Variants in TBCK observed in about 807,000 individuals in gnomAD.
TBCK encodes TBC domain-containing protein kinase-like protein.
A neutral mutation model predicts 113.4 loss-of-function variants in TBCK; 99 were observed. The observed-to-expected ratio is 0.87, with a 90% CI of 0.74 to 1.03. The LOEUF is 1.03. TBCK is among the 50% of genes least tolerant of loss of function. TBCK has a pLI of 0.00. For missense variants in TBCK, 1,045 were observed against 1,061.3 expected, an observed-to-expected ratio of 0.98 and a Z score of 0.21; for synonymous variants, 369 against 370.8, an observed-to-expected ratio of 1.00 and a Z score of 0.05.
rs1400914707 is a variant in TBCK, at chr4:106,044,478, AGT to A, written c.*2090_*2091del. 6.6e-6 allele frequency: 1 copy of A among 152,256 alleles called. No homozygotes were observed. The highest frequency in any genetic ancestry group is 2.4e-5 in the African/African-American group (1 of 41,464). 9.4% of individuals were successfully genotyped at this position (152,256 alleles called of 1,614,324 possible). A position where few individuals can be genotyped will look rare whatever the true frequency, so the allele number is the denominator to read the frequency against. ...AAATGATATAACTATGGATTATATT[AGT>A]GTCTTAGAAATACATAGTAGGTATT... On this transcript the variant is annotated 3_prime_UTR_variant, in exon 26 of 26. Coordinates refer to ENST00000394708, the MANE Select transcript of TBCK (RefSeq NM_001163435.3).
At chr4:106,298,351 C>T (rs1488035834) in intron 2 of TBCK, among the ~76,000 whole-genome samples, 7 of 151,976 alleles carry the variant, frequency 4.6e-5, no homozygotes, top group South Asian at 4.1e-4. Flanking sequence ...CGGTAGCTCA[C>T]GCCTGTAATC....
At chr4:106,170,844 T>C (rs1750903722) in intron 23 of TBCK, among the ~76,000 whole-genome samples, 2 of 152,062 alleles carry the variant, frequency 1.3e-5, no homozygotes, top group Admixed American at 1.3e-4. Flanking sequence ...TATAAACAGA[T>C]ACTACAAATG....
intron 24 of TBCK, among the ~76,000 whole-genome samples, chr4:106,108,493 A>G (rs1406809711): frequency 8.5e-5 from 13 of 152,268 alleles, no homozygotes; most frequent in African/African-American, 2.4e-4. Flanking sequence ...CATAAGCAGA[A>G]CTAAAGACAG....
chr4:106,235,554 C>A (rs992646254), intron 14 of TBCK, among the ~76,000 whole-genome samples, 187 bp from the exon 15 acceptor site: 3 of 151,964 alleles, frequency 2.0e-5, no homozygotes, highest in Non-Finnish European at 4.4e-5. Flanking sequence ...ATCCCTAACA[C>A]CTTGAAAAAC....
At chr4:106,285,155 T>A (rs1048957306) in intron 3 of TBCK, among the ~76,000 whole-genome samples, 3 of 152,176 alleles carry the variant, frequency 2.0e-5, no homozygotes, top group Admixed American at 2.0e-4. Flanking sequence ...TTCCTTATAT[T>A]AAAGCCTGAA....
intron 23 of TBCK, among the ~76,000 whole-genome samples, chr4:106,127,218 A>T: frequency 6.6e-6 from 1 of 151,344 alleles, no homozygotes; most frequent in East Asian, 1.9e-4. Context: ...AAAAAAAAAA[A>T]AAAAAAAAAA....
intron 25 of TBCK, among the ~76,000 whole-genome samples, chr4:106,063,673 T>C (rs1736308626): frequency 6.6e-6 from 1 of 151,830 alleles, no homozygotes; most frequent in African/African-American, 2.4e-5. Flanking sequence ...GTTAAAATCT[T>C]AACCCCAAGG....
intron 19 of TBCK, chr4:106,213,624 T>A (rs1020539780): frequency 6.5e-6 from 1 of 153,800 alleles, no homozygotes; most frequent in Admixed American, 6.5e-5. Context: ...ACCTGGACAA[T>A]CGGGTCACTC....
At position 106,096,013 on chromosome 4, in the gene TBCK, C is replaced by CT. The variant is rs1169884397; in HGVS notation, c.2412-373dup. On this transcript the variant is annotated intron_variant, in intron 24 of 25. Coordinates refer to ENST00000394708, the MANE Select transcript of TBCK (RefSeq NM_001163435.3). Reference sequence around the variant, plus strand: ...ATTTTCTAGTCAGCTGCTGCTTCATCTTTTTTTTTAAAGAAAAGGGTATGA... The same window carrying CT: ...ATTTTCTAGTCAGCTGCTGCTTCATCTTTTTTTTTTAAAGAAAAGGGTATGA... Among the ~76,000 whole-genome samples, 168 of 150,906 alleles carry CT rather than the reference C, an allele frequency of 1.1e-3. 1 individual carries two copies. The highest frequency in any genetic ancestry group is 3.2e-3 in the African/African-American group (130 of 41,232).
chr4:106,124,365 G>A (rs1744873793), intron 23 of TBCK, among the ~76,000 whole-genome samples: 1 of 152,206 alleles, frequency 6.6e-6, no homozygotes, highest in Non-Finnish European at 1.5e-5. Flanking sequence ...GTGCTGGAGA[G>A]GATGTGGAGA....
intron 22 of TBCK, among the ~76,000 whole-genome samples, chr4:106,171,899 C>G (rs111300945): frequency 4.6e-5 from 7 of 151,958 alleles, no homozygotes; most frequent in Non-Finnish European, 1.5e-5. Flanking sequence ...GGTGCAATCA[C>G]GGCTCACTGC....
chr4:106,120,097 A>C (rs990170760), intron 23 of TBCK, among the ~76,000 whole-genome samples: 9 of 152,278 alleles, frequency 5.9e-5, no homozygotes, highest in Non-Finnish European at 1.2e-4. Context: ...GGGCGCAGGT[A>C]AATGGGTGCG....
rs1441723105 is a variant in TBCK at position 106,236,428 on chromosome 4, G to T, written c.1312C>A (p.Gln438Lys). The part of the protein sequence containing the change: ...LIIREKDTEY[Q>K]LNRIILFDRL... ...TCGAAGAGAATAATTCTATTTAGTT[G>T]GTACTCTGTATCCTTCTCTCTGATG... is the stretch of plus-strand genomic sequence containing the variant. The change falls in exon 14 of 26, where the codon CAA (glutamine) becomes AAA (lysine). Residue 438 changes from glutamine (Q) to lysine (K), a missense_variant. Gln to Lys is a moderately conservative substitution (Grantham distance 53). Coordinates refer to ENST00000394708, the MANE Select transcript of TBCK (RefSeq NM_001163435.3). The T allele has an allele frequency of 6.4e-7, 1 of 1,556,900 alleles. No homozygotes were observed.
intron 22 of TBCK, among the ~76,000 whole-genome samples, chr4:106,179,109 A>C (rs112760003): frequency 6.6e-6 from 1 of 152,028 alleles, no homozygotes; most frequent in African/African-American, 2.4e-5. Context: ...CTCAGTTTAC[A>C]TAAGATTTTA....
intron 3 of TBCK, among the ~76,000 whole-genome samples, chr4:106,267,497 A>C (rs1763097726): frequency 6.6e-6 from 1 of 152,008 alleles, no homozygotes; most frequent in Non-Finnish European, 1.5e-5. Flanking sequence ...GCAATTAACT[A>C]AGCAGATAAG....
chr4:106,212,980 TTTAA>T, intron 19 of TBCK, 145 bp from the exon 20 acceptor site: 1 of 587,984 alleles, frequency 1.7e-6, no homozygotes. Context: ...TTGTTACTAT[TTTAA>T]TTACTTACTG....
intron 24 of TBCK, among the ~76,000 whole-genome samples, chr4:106,113,396 A>G (rs2149561255): frequency 6.6e-6 from 1 of 152,352 alleles, no homozygotes; most frequent in East Asian, 1.9e-4. Context: ...TAGATGATAA[A>G]TTTCAATTAG....
At chr4:106,251,789 T>C (rs1307744710) in intron 6 of TBCK, 77 bp downstream of exon 6, 3 of 1,273,648 alleles carry the variant, frequency 2.4e-6, no homozygotes, top group Non-Finnish European at 3.1e-6. Context: ...CATACTATTA[T>C]TAACTTTCCT....
intron 3 of TBCK, among the ~76,000 whole-genome samples, chr4:106,274,411 A>C (rs984871405): frequency 7.2e-5 from 11 of 152,340 alleles, no homozygotes; most frequent in Admixed American, 6.5e-4. Context: ...TAACAGCCAA[A>C]AGGTAGAAAC....
Sources: allele counts gnomAD v4.1 joint callset (sites outside exome capture counted in the v4.1 genomes callset), GRCh38; gene constraint gnomAD v4.1.1; transcripts MANE v1.5; gene names NCBI Gene and HGNC (gene_info 2026-07-23, HGNC 2026-07-21).